DNAH8: variants seen among roughly 807,000 people sequenced by gnomAD.
The protein encoded by DNAH8 is dynein axonemal heavy chain 8.
A neutral mutation model predicts 562.1 loss-of-function variants in DNAH8; 382 were observed. That is an observed-to-expected ratio of 0.68 (90% CI 0.63 to 0.74). The LOEUF (loss-of-function observed/expected upper bound fraction) is 0.74. Ranked by LOEUF, DNAH8 falls within the 30% of genes least tolerant of loss-of-function variation. The probability of loss-of-function intolerance (pLI) is 0.00; values close to 1 mark genes in which losing one functional copy is unlikely to be tolerated. For synonymous variants in DNAH8, 1,881 were observed against 1,919.4 expected, an observed-to-expected ratio of 0.98 and a Z score of 0.52; for missense variants, 5,203 against 5,620.4, an observed-to-expected ratio of 0.93 and a Z score of 2.37.
At chr6:39,002,069 G>C (rs1330943004) in intron 88 of DNAH8, among the ~76,000 whole-genome samples, 2 of 152,092 alleles carry the variant, frequency 1.3e-5, no homozygotes, top group Non-Finnish European at 2.9e-5. Flanking sequence ...TCCAGGAGAG[G>C]GATAAGGGAG....
At chr6:38,792,802 A>G (rs1163030647) in intron 21 of DNAH8, among the ~76,000 whole-genome samples, 1 of 152,120 alleles carries the variant, frequency 6.6e-6, no homozygotes, top group Non-Finnish European at 1.5e-5. Flanking sequence ...TTTTTGAGAC[A>G]GGGTCTTGCT....
chr6:38,750,592 A>G lies in DNAH8; in HGVS notation c.1407+3A>G, dbSNP rs1204749351. On this transcript the variant is annotated splice_donor_region_variant and intron_variant, in intron 9 of 92. Transcript: ENST00000327475. Reference sequence around the variant, plus strand: ...AACCTCTCTATAACCATGACCTAGTAAGTATGCTTTTAAAGTACAATTTTA... The same window carrying G: ...AACCTCTCTATAACCATGACCTAGTGAGTATGCTTTTAAAGTACAATTTTA... 1.9e-6 allele frequency: 3 copies of G among 1,553,764 alleles called. No homozygotes were observed. The highest frequency in any genetic ancestry group is 1.8e-6 in the Non-Finnish European group (2 of 1,130,664).
At chr6:38,807,577 A>G in intron 23 of DNAH8, 33 bp from the exon 24 acceptor site, 1 of 1,254,082 alleles carries the variant, frequency 8.0e-7, no homozygotes, top group Non-Finnish European at 1.1e-6. Context: ...TTTGGAGGAG[A>G]GATACCAAAT....
chr6:38,923,455 T>C (rs1436433469), intron 72 of DNAH8: 1 of 294,786 alleles, frequency 3.4e-6, no homozygotes, highest in Non-Finnish European at 6.4e-6. Flanking sequence ...TCCAGTTCTC[T>C]ATGCTTCACC....
chr6:38,918,191 C>A, intron 70 of DNAH8, 51 bp downstream of exon 70: 1 of 1,342,344 alleles, frequency 7.4e-7, no homozygotes, highest in South Asian at 1.3e-5. Context: ...TAAAATCAGT[C>A]ATCAGTATTA....
chr6:38,870,153 C>G (rs1434205288), intron 48 of DNAH8, among the ~76,000 whole-genome samples: 2 of 152,174 alleles, frequency 1.3e-5, no homozygotes, highest in Non-Finnish European at 1.5e-5. Context: ...ATACAATTAC[C>G]TCTCACTGGG....
chr6:38,984,097 T>G (rs1764207870), intron 86 of DNAH8, 109 bp from the exon 87 acceptor site: 1 of 617,384 alleles, frequency 1.6e-6, no homozygotes. Context: ...TAAATGTGAG[T>G]CTAGTGAGTG....
intron 88 of DNAH8, among the ~76,000 whole-genome samples, chr6:39,004,141 T>C (rs1460688607): frequency 6.6e-6 from 1 of 152,174 alleles, no homozygotes; most frequent in Non-Finnish European, 1.5e-5. Context: ...CTTGGGAAGC[T>C]GAAGTAGGAG....
At chr6:38,964,685 C>G (rs995343194) in intron 82 of DNAH8, among the ~76,000 whole-genome samples, 2 of 151,708 alleles carry the variant, frequency 1.3e-5, no homozygotes, top group African/African-American at 2.4e-5. Context: ...GATGGAACAC[C>G]GTGCTGCCAT....
intron 33 of DNAH8, among the ~76,000 whole-genome samples, chr6:38,842,128 T>C (rs1415753621): frequency 6.6e-6 from 1 of 151,334 alleles, no homozygotes; most frequent in East Asian, 1.9e-4. Context: ...GAATAAACCA[T>C]TTGCTAATGT....
intron 62 of DNAH8, among the ~76,000 whole-genome samples, chr6:38,905,414 CT>C (rs1780375256): frequency 1.3e-5 from 2 of 152,202 alleles, no homozygotes; most frequent in South Asian, 4.1e-4. Flanking sequence ...TCTAACATTT[CT>C]ATTATTTATA....
At position 38,894,749 on chromosome 6, in the gene DNAH8, CGA is replaced by C. The variant is rs753926744; in HGVS notation, c.8635_8636del (p.Asp2879SerfsTer14). The C allele has an allele frequency of 3.3e-5, 53 of 1,613,840 alleles. No individual in the cohort carries two copies. The highest frequency in any genetic ancestry group is 4.3e-5 in the Non-Finnish European group (51 of 1,179,948). ...TAAATTTCATTACATCTTCAATCTT[CGA>C]GATCTTTCCAGAATTTGGCAAGGAA... is the stretch of plus-strand genomic sequence containing the variant. ...PSKFHYIFNL[R>X]DLSRIWQGML... On this transcript the variant is annotated frameshift_variant, in exon 59 of 93. Coordinates refer to ENST00000327475, the MANE Select transcript of DNAH8 (RefSeq NM_001206927.2). LOFTEE classifies it high-confidence loss of function.
intron 11 of DNAH8, chr6:38,764,797 T>TC (rs1414495804): frequency 6.6e-6 from 1 of 152,106 alleles, no homozygotes; most frequent in East Asian, 1.9e-4. Flanking sequence ...TTGTATGTTT[T>TC]TTTTTTGAGA....
chr6:38,859,834 T>C (rs1025107356), intron 42 of DNAH8, among the ~76,000 whole-genome samples: 3 of 152,170 alleles, frequency 2.0e-5, no homozygotes, highest in South Asian at 2.1e-4. Context: ...TATATAACCA[T>C]GTGTTTCCCT....
chr6:38,904,309 A>G (rs1053369826), intron 62 of DNAH8, among the ~76,000 whole-genome samples: 2 of 152,166 alleles, frequency 1.3e-5, no homozygotes, highest in Admixed American at 6.5e-5. Context: ...CTCAGTAGAG[A>G]GGAACCTTTT....
At chr6:38,984,177 T>C in intron 86 of DNAH8, 29 bp from the exon 87 acceptor site, 1 of 1,335,710 alleles carries the variant, frequency 7.5e-7, no homozygotes, top group Non-Finnish European at 1.1e-6. Context: ...GGGTTGACAA[T>C]TAATAATCCT....
chr6:38,870,765 A>G (rs948439948), intron 49 of DNAH8, among the ~76,000 whole-genome samples: 2 of 152,200 alleles, frequency 1.3e-5, no homozygotes, highest in African/African-American at 4.8e-5. Context: ...ACAGTAATCA[A>G]GCAGTAATTT....
intron 66 of DNAH8, among the ~76,000 whole-genome samples, chr6:38,913,101 C>T (rs148491154): frequency 0.01 from 1,580 of 152,340 alleles, 26 homozygotes; most frequent in South Asian, 0.04. Flanking sequence ...CCACCGTACC[C>T]GGCCTACTCT....
At chr6:39,004,197 C>T (rs766907003) in intron 88 of DNAH8, among the ~76,000 whole-genome samples, 1 of 151,974 alleles carries the variant, frequency 6.6e-6, no homozygotes, top group Non-Finnish European at 1.5e-5. Flanking sequence ...GGCAACAGAG[C>T]GAGAACCTGT....
Sources: gnomAD v4.1 joint callset for allele counts (sites outside exome capture counted in the v4.1 genomes callset) on GRCh38, gnomAD v4.1.1 for gene constraint, MANE v1.5 for transcripts, NCBI Gene and HGNC (gene_info 2026-07-23, HGNC 2026-07-21) for gene names.